Variants in RAI1 observed in about 807,000 individuals in gnomAD.
RAI1 encodes the protein retinoic acid induced 1.
Under a neutral mutation model 123.8 loss-of-function variants are expected in RAI1, and 9 were observed. The observed-to-expected ratio is 0.07, with a 90% CI of 0.04 to 0.13. The LOEUF (loss-of-function observed/expected upper bound fraction) is 0.13. RAI1 is among the 10% of genes least tolerant of loss of function. RAI1 has a pLI of 1.00. For missense variants in RAI1, 2,256 were observed against 2,545.8 expected (o/e 0.89, Z 2.45); for synonymous variants, 1,231 against 1,127.3 (o/e 1.09, Z -1.84).
At chr17:17,713,392 T>C (rs1164876819) in intron 1 of RAI1, among the ~76,000 whole-genome samples, 1 of 152,028 alleles carries the variant, frequency 6.6e-6, no homozygotes, top group African/African-American at 2.4e-5. Flanking sequence ...GTAATCCCAG[T>C]ACTTTGGGAG....
chr17:17,794,586 G>A lies in RAI1; in HGVS notation c.1638G>A (p.Ser546=), dbSNP rs201255330. Residue 546 remains serine (S), a synonymous_variant, in exon 3 of 6, where the codon TCG becomes TCA. Transcript: ENST00000353383. ...GCCCTGCCAGGGTCAACAGCAACTC[G>A]AAGGCCAAGCCCGAGTCCGTGTCCA... The part of the protein sequence containing the change: ...RGSPARVNSN[S]KAKPESVSTC... The A allele has an allele frequency of 1.2e-5, 19 of 1,613,212 alleles. No individual in the cohort carries two copies. The Admixed American group carries it at 2.7e-4, about 23-fold the overall frequency.
At chr17:17,776,894 T>C (rs118047480) in intron 2 of RAI1, 2,737 of 151,650 alleles carry the variant, frequency 0.018, 54 homozygotes, top group South Asian at 0.071. Flanking sequence ...CAAACTCCTA[T>C]GCTCAAGCAA....
intron 2 of RAI1, among the ~76,000 whole-genome samples, chr17:17,741,021 C>T (rs1268350246): frequency 6.6e-6 from 1 of 152,024 alleles, no homozygotes; most frequent in East Asian, 1.9e-4. Flanking sequence ...TGAGCCGAGA[C>T]ACCACCCCCG....
rs1480289457 is a variant in RAI1 at position 17,810,681 on chromosome 17, C to T, written c.*700C>T. Reference sequence around the variant, plus strand: ...GCTCAGTTAGGGGTTGCGGGATCCCCGAGTGTGGGCGGGACTGGGACACCC... The same window carrying T: ...GCTCAGTTAGGGGTTGCGGGATCCCTGAGTGTGGGCGGGACTGGGACACCC... On this transcript the variant is annotated 3_prime_UTR_variant, in exon 6 of 6. Coordinates refer to ENST00000353383, the MANE Select transcript of RAI1 (RefSeq NM_030665.4). The surrounding 1 kb of genome is among the most constrained non-coding windows in gnomAD (Gnocchi z 4.6). The T allele has an allele frequency of 1.1e-5, 4 of 377,068 alleles. No individual in the cohort carries two copies. The highest frequency in any genetic ancestry group is 2.1e-5 in the African/African-American group (1 of 47,562). 23.4% of individuals were successfully genotyped at this position (377,068 alleles called of 1,614,324 possible).
chr17:17,810,992 C>T lies in RAI1; in HGVS notation c.*1011C>T. The stretch of plus-strand genomic sequence containing the variant: ...GTCGCCGCCGTGCGTCGTGCGCCCG[C>T]AACAGAGCCCCAACCGGGCCTTTGC... On this transcript the variant is annotated 3_prime_UTR_variant, in exon 6 of 6. Transcript: ENST00000353383. This position sits in a 1 kb window ranked among gnomAD's most constrained non-coding sequence, Gnocchi z 4.6. 3.1e-6 allele frequency: 1 copy of T among 321,702 alleles called. No homozygotes were observed. Among genetic ancestry groups the T allele is most frequent in the South Asian group, 2.2e-5 (1 of 45,326 alleles). The allele number at this position is 321,702 out of a possible 1,614,324, so 19.9% of individuals were successfully genotyped here. A position where few individuals can be genotyped will look rare whatever the true frequency, so the allele number is the denominator to read the frequency against.
Position 17,793,057 on chromosome 17 carries a change from G to C in RAI1, c.109G>C (p.Gly37Arg). The C allele has an allele frequency of 1.2e-6, 2 of 1,614,158 alleles. No individual in the cohort carries two copies. Among genetic ancestry groups the C allele is most frequent in the Non-Finnish European group, 1.7e-6 (2 of 1,180,032 alleles). Residue 37 changes from glycine to arginine, a missense_variant, in exon 3 of 6, where the codon GGG (glycine) becomes CGG (arginine). Gly to Arg is a moderately radical substitution (Grantham distance 125). Around this residue, in one of 7 missense-constraint regions of RAI1, gnomAD observed 336 missense variants for 349.8 expected, o/e 0.96. Coordinates refer to ENST00000353383, the MANE Select transcript of RAI1 (RefSeq NM_030665.4). ...GAATTACAGGCAGCCGAGTCAGGCC[G>C]GGCTAAGCTGCGACCGGCAGCGGCT... ...LENYRQPSQA[G>R]LSCDRQRLLA...
intron 2 of RAI1, among the ~76,000 whole-genome samples, chr17:17,774,269 C>T (rs1441344630): frequency 3.9e-5 from 6 of 152,232 alleles, no homozygotes; most frequent in Admixed American, 1.3e-4. Flanking sequence ...GGTGAGGAAG[C>T]GGAAGCCCAG....
intron 1 of RAI1, among the ~76,000 whole-genome samples, chr17:17,723,370 C>T (rs1301262144): frequency 6.9e-6 from 1 of 145,432 alleles, no homozygotes; most frequent in Admixed American, 6.9e-5. Context: ...GACATTCACT[C>T]GTAGGACAGA....
chr17:17,790,710 G>A (rs1336323344), intron 2 of RAI1, among the ~76,000 whole-genome samples: 5 of 152,380 alleles, frequency 3.3e-5, no homozygotes, highest in Admixed American at 6.5e-5. Context: ...AATAAAAGCC[G>A]AAATGTAATT....
At chr17:17,752,869 C>G (rs1355224474) in intron 2 of RAI1, among the ~76,000 whole-genome samples, 1 of 152,250 alleles carries the variant, frequency 6.6e-6, no homozygotes, top group African/African-American at 2.4e-5. Flanking sequence ...TTTTTGTGCA[C>G]TCTCCGCCCT....
At chr17:17,689,169 G>A (rs772484603) in intron 1 of RAI1, among the ~76,000 whole-genome samples, 4 of 151,628 alleles carry the variant, frequency 2.6e-5, no homozygotes, top group African/African-American at 4.9e-5. Context: ...TGTTGGCCAG[G>A]CGGGTCTCAA....
rs1202204486 is a variant in RAI1, at chr17:17,685,560, G to A, written c.-149+3767G>A. Among the ~76,000 whole-genome samples, 3 of 152,194 alleles carry A rather than the reference G, an allele frequency of 2.0e-5. No individual in the cohort carries two copies. The highest frequency in any genetic ancestry group is 4.4e-5 in the Non-Finnish European group (3 of 68,042). On this transcript the variant is annotated intron_variant, in intron 1 of 5. Transcript: ENST00000353383. This position sits in a 1 kb window ranked among gnomAD's most constrained non-coding sequence, Gnocchi z 4.0. ...GCCTGTGTGCTGTAGCCAAACAAGA[G>A]GGGAGGACTTGGCTCAGAAAGAATG... is the stretch of plus-strand genomic sequence containing the variant.
intron 1 of RAI1, among the ~76,000 whole-genome samples, chr17:17,723,642 G>T (rs1915964178): frequency 8.8e-6 from 1 of 113,438 alleles, no homozygotes. Flanking sequence ...CCCTCCTCCC[G>T]CTCCCTTCCC....
chr17:17,783,156 C>G (rs1487893619), intron 2 of RAI1, among the ~76,000 whole-genome samples: 1 of 152,156 alleles, frequency 6.6e-6, no homozygotes, highest in Non-Finnish European at 1.5e-5. Context: ...GAGTGCAGCG[C>G]CCCCTTCCTC....
At chr17:17,699,648 T>C (rs1162298764) in intron 1 of RAI1, among the ~76,000 whole-genome samples, 5 of 149,336 alleles carry the variant, frequency 3.3e-5, no homozygotes, top group Non-Finnish European at 7.4e-5. Flanking sequence ...GGGAATCAAA[T>C]GAATTGCCAG....
chr17:17,757,775 G>T (rs561724316), intron 2 of RAI1, among the ~76,000 whole-genome samples: 4 of 152,338 alleles, frequency 2.6e-5, no homozygotes, highest in Non-Finnish European at 5.9e-5. Context: ...ACCTGCTCAC[G>T]CTAAAAGGAG....
chr17:17,711,029 G>T (rs533749830), intron 1 of RAI1, among the ~76,000 whole-genome samples: 1 of 152,178 alleles, frequency 6.6e-6, no homozygotes, highest in Non-Finnish European at 1.5e-5. Flanking sequence ...TCCCTCACAC[G>T]GTTTGTTTGG....
In RAI1 at chr17:17,795,726, C is replaced by T. The variant is rs775484762; in HGVS notation, c.2778C>T (p.Ile926=). The T allele has an allele frequency of 1.9e-6, 3 of 1,613,392 alleles. No individual in the cohort carries two copies. The highest frequency in any genetic ancestry group is 2.2e-5 in the East Asian group (1 of 44,874). The part of the protein sequence containing the change: ...SPCHLSGESV[I]LLGPTVGTES... ...GCCACCTCTCAGGGGAGTCCGTCAT[C>T]CTGCTGGGCCCTACAGTGGGCACCG... Residue 926 remains isoleucine, a synonymous_variant, in exon 3 of 6, where the codon ATC becomes ATT. Transcript: ENST00000353383. The surrounding 1 kb of genome is among the most constrained non-coding windows in gnomAD (Gnocchi z 5.9).
chr17:17,736,852 T>C (rs1916449095), intron 2 of RAI1, among the ~76,000 whole-genome samples: 1 of 152,010 alleles, frequency 6.6e-6, no homozygotes, highest in Non-Finnish European at 1.5e-5. Flanking sequence ...CTTCTGGAAG[T>C]GGTGTGTTTT....
Sources: allele counts gnomAD v4.1 joint callset (sites outside exome capture counted in the v4.1 genomes callset), GRCh38; gene constraint gnomAD v4.1.1; regional missense constraint gnomAD v4.1.1; non-coding constraint Gnocchi (gnomAD v3.1); transcripts MANE v1.5; gene names NCBI Gene and HGNC (gene_info 2026-07-23, HGNC 2026-07-21).